The following DNAJC1 variants were observed in gnomAD, a reference collection of about 807,000 sequenced individuals.
DNAJC1 encodes the protein dnaJ homolog subfamily C member 1.
Under a neutral mutation model 76.6 loss-of-function variants are expected in DNAJC1, and 58 were observed. The observed-to-expected ratio is 0.76, with a 90% confidence interval of 0.61 to 0.94. The LOEUF (loss-of-function observed/expected upper bound fraction) is 0.94, where lower values mean the gene tolerates loss of function less well. Among genes scored for constraint, DNAJC1 ranks in the 40% least tolerant of loss-of-function variants. The pLI is 0.00. For synonymous variants in DNAJC1, 258 were observed against 267.9 expected, an observed-to-expected ratio of 0.96 and a Z score of 0.36; for missense variants, 689 against 677.3, an observed-to-expected ratio of 1.02 and a Z score of -0.19.
At chr10:21,773,957 C>T (rs956255966) in intron 9 of DNAJC1, among the ~76,000 whole-genome samples, 11 of 150,864 alleles carry the variant, frequency 7.3e-5, no homozygotes, top group Admixed American at 6.6e-5. Flanking sequence ...CCGGCTAAAA[C>T]GGTGAAACCC....
chr10:21,791,890 T>C (rs1456405524), intron 9 of DNAJC1, among the ~76,000 whole-genome samples: 2 of 152,042 alleles, frequency 1.3e-5, no homozygotes, highest in Non-Finnish European at 2.9e-5. Context: ...GAAATAAAAT[T>C]GAAACTGAAA....
chr10:21,920,636 G>T, intron 4 of DNAJC1, 162 bp downstream of exon 4: 1 of 561,852 alleles, frequency 1.8e-6, no homozygotes, highest in East Asian at 3.5e-5. Context: ...TTATTTCATG[G>T]GTTCTTCTTG....
intron 1 of DNAJC1, among the ~76,000 whole-genome samples, chr10:21,974,412 A>G (rs1169890795): frequency 6.6e-6 from 1 of 152,228 alleles, no homozygotes; most frequent in Non-Finnish European, 1.5e-5. Context: ...CAGCTAACCC[A>G]TTCTGGGTAC....
At chr10:21,971,890 C>G (rs1447603677) in intron 1 of DNAJC1, among the ~76,000 whole-genome samples, 1 of 151,888 alleles carries the variant, frequency 6.6e-6, no homozygotes, top group Non-Finnish European at 1.5e-5. Context: ...GTCATGTAAA[C>G]AGATTTCAAA....
chr10:21,985,919 C>G (rs962308405), intron 1 of DNAJC1, among the ~76,000 whole-genome samples: 2 of 152,004 alleles, frequency 1.3e-5, no homozygotes, highest in South Asian at 4.1e-4. Context: ...TTAAGTTTAA[C>G]TTTTTTATTA....
rs1834426239 is a variant in DNAJC1, at chr10:21,774,197, A to G, written c.1099-7888T>C. Among the ~76,000 whole-genome samples the G allele has an allele frequency of 2.6e-5, 4 of 152,144 alleles. No homozygotes were observed. In the South Asian group the frequency reaches 8.3e-4, roughly 31 times the overall value. On this transcript the variant is annotated intron_variant, in intron 9 of 11. Transcript: ENST00000376980. ...TACAGAATATATTGCATTTTACCTAAATAATAAATCAAGCACAGTAGTATA... is the reference window on the plus strand; with the variant it reads ...TACAGAATATATTGCATTTTACCTAGATAATAAATCAAGCACAGTAGTATA...
intron 9 of DNAJC1, among the ~76,000 whole-genome samples, chr10:21,792,124 G>T (rs1018745915): frequency 6.6e-6 from 1 of 152,120 alleles, no homozygotes; most frequent in Non-Finnish European, 1.5e-5. Flanking sequence ...TGATGTGAAT[G>T]AAATGAATAA....
chr10:21,869,087 G>A (rs1051827000), intron 8 of DNAJC1, among the ~76,000 whole-genome samples: 3 of 151,898 alleles, frequency 2.0e-5, no homozygotes, highest in Non-Finnish European at 4.4e-5. Context: ...ATTCTGCAGA[G>A]AATCTCCTTC....
At chr10:21,878,271 C>G (rs915601191) in intron 8 of DNAJC1, among the ~76,000 whole-genome samples, 1 of 152,202 alleles carries the variant, frequency 6.6e-6, no homozygotes, top group Non-Finnish European at 1.5e-5. Context: ...ACTGGAGAGA[C>G]AAACTGCTCA....
In DNAJC1 at chr10:21,928,503, C is replaced by A. The variant is rs1241385026; in HGVS notation, c.371+3G>T. Reference sequence around the variant, plus strand: ...TAATTCAAAAGCAGAAATGAACACTCACCTCTGCCTTCGTTCATCATCCTT... The same window carrying A: ...TAATTCAAAAGCAGAAATGAACACTAACCTCTGCCTTCGTTCATCATCCTT... On this transcript the variant is annotated splice_donor_region_variant and intron_variant, in intron 3 of 11. Transcript: ENST00000376980. 1 of 1,612,190 alleles carries A rather than the reference C, an allele frequency of 6.2e-7. No individual in the cohort carries two copies. The highest frequency in any genetic ancestry group is 1.1e-5 in the South Asian group (1 of 90,822).
intron 9 of DNAJC1, among the ~76,000 whole-genome samples, chr10:21,803,589 C>CTGTGTG (rs113615504): frequency 0.031 from 4,330 of 140,680 alleles, 120 homozygotes; most frequent in African/African-American, 0.068. Flanking sequence ...GAGTGATTTT[C>CTGTGTG]TGTGTGTGTG....
chr10:21,776,733 T>C (rs899135377), intron 9 of DNAJC1, among the ~76,000 whole-genome samples: 1 of 152,338 alleles, frequency 6.6e-6, no homozygotes, highest in South Asian at 2.1e-4. Context: ...AAATATGAGA[T>C]GATAATAATG....
intron 8 of DNAJC1, among the ~76,000 whole-genome samples, chr10:21,812,897 C>T (rs1000552131): frequency 6.6e-6 from 1 of 151,632 alleles, no homozygotes; most frequent in African/African-American, 2.4e-5. Flanking sequence ...TTCCCACTTC[C>T]TAGTATTAAT....
chr10:21,966,726 C>T (rs1330252516), intron 1 of DNAJC1, among the ~76,000 whole-genome samples: 1 of 150,192 alleles, frequency 6.7e-6, no homozygotes, highest in Non-Finnish European at 1.5e-5. Flanking sequence ...ACACTTGTTG[C>T]CCAGGCTGGA....
At chr10:21,897,100 C>A (rs1836556515) in intron 7 of DNAJC1, among the ~76,000 whole-genome samples, 1 of 152,120 alleles carries the variant, frequency 6.6e-6, no homozygotes, top group South Asian at 2.1e-4. Flanking sequence ...TATAAATTAG[C>A]CAGTCTCAGG....
At chr10:21,843,830 C>T (rs72806303) in intron 8 of DNAJC1, among the ~76,000 whole-genome samples, 217 of 152,088 alleles carry the variant, frequency 1.4e-3, no homozygotes, top group Non-Finnish European at 2.2e-3. Context: ...ACCTCAGGCT[C>T]CTGGGTTCAT....
At chr10:21,931,560 G>A (rs1414415940) in intron 1 of DNAJC1, among the ~76,000 whole-genome samples, 1 of 152,102 alleles carries the variant, frequency 6.6e-6, no homozygotes, top group Non-Finnish European at 1.5e-5. Flanking sequence ...GGCTGTTTAG[G>A]TTCAGATTTG....
chr10:21,836,281 G>C (rs1282453187), intron 8 of DNAJC1, among the ~76,000 whole-genome samples: 1 of 152,160 alleles, frequency 6.6e-6, no homozygotes, highest in Non-Finnish European at 1.5e-5. Context: ...AATGCTGAGA[G>C]ATTTTGTCAC....
At chr10:21,856,163 A>G (rs1364979269) in intron 8 of DNAJC1, among the ~76,000 whole-genome samples, 7 of 152,208 alleles carry the variant, frequency 4.6e-5, no homozygotes, top group Admixed American at 2.6e-4. Context: ...AAAGGTAAAG[A>G]AACCAAATTT....
Sources: allele counts gnomAD v4.1 joint callset (sites outside exome capture counted in the v4.1 genomes callset), GRCh38; gene constraint gnomAD v4.1.1; transcripts MANE v1.5; gene names NCBI Gene and HGNC (gene_info 2026-07-23, HGNC 2026-07-21).